LRRC28: variants seen among roughly 807,000 people sequenced by gnomAD.
LRRC28 encodes leucine-rich repeat-containing protein 28.
LRRC28 carries 39 observed loss-of-function variants against 45.7 expected under a neutral mutation model. The observed-to-expected ratio is 0.85, with a 90% CI of 0.66 to 1.12. The LOEUF (loss-of-function observed/expected upper bound fraction) is 1.12. LRRC28 is among the 50% of genes most tolerant of loss of function. The pLI, the probability that LRRC28 is intolerant of heterozygous loss-of-function variation, is 0.00. For synonymous variants in LRRC28, 206 were observed against 178.8 expected (o/e 1.15, Z -1.22); for missense variants, 435 against 438.5 (o/e 0.99, Z 0.07).
intron 5 of LRRC28, among the ~76,000 whole-genome samples, chr15:99,305,045 A>G (rs975595556): frequency 1.3e-5 from 2 of 152,120 alleles, no homozygotes; most frequent in Non-Finnish European, 2.9e-5. Context: ...TGATGGCCAG[A>G]TCTTAGCGGT....
chr15:99,351,198 G>C (rs1452924909), intron 6 of LRRC28, among the ~76,000 whole-genome samples: 1 of 152,118 alleles, frequency 6.6e-6, no homozygotes, highest in African/African-American at 2.4e-5. Context: ...AATAGCCCTA[G>C]TCAGTGAGTG....
chr15:99,350,112 C>T (rs1224612116), intron 6 of LRRC28, among the ~76,000 whole-genome samples: 1 of 141,846 alleles, frequency 7.0e-6, no homozygotes, highest in East Asian at 2.0e-4. Flanking sequence ...GTCCGCAGTC[C>T]GGCCTGGGCG....
chr15:99,296,953 G>A (rs1340856309), intron 5 of LRRC28, among the ~76,000 whole-genome samples: 1 of 152,130 alleles, frequency 6.6e-6, no homozygotes, highest in African/African-American at 2.4e-5. Flanking sequence ...CAACTAATGG[G>A]TAGAGGGACA....
At chr15:99,379,298 C>G (rs560169800) in intron 9 of LRRC28, among the ~76,000 whole-genome samples, 67 of 152,330 alleles carry the variant, frequency 4.4e-4, no homozygotes, top group African/African-American at 1.6e-3. Context: ...TTATCCATTT[C>G]TTCTAGATTT....
chr15:99,350,991 G>A (rs1956859919), intron 6 of LRRC28, among the ~76,000 whole-genome samples: 1 of 152,066 alleles, frequency 6.6e-6, no homozygotes, highest in South Asian at 2.1e-4. Flanking sequence ...GTAGAGATAG[G>A]GTTTCACCAT....
chr15:99,310,598 G>A (rs1416813041), intron 5 of LRRC28, among the ~76,000 whole-genome samples: 1 of 152,248 alleles, frequency 6.6e-6, no homozygotes, highest in African/African-American at 2.4e-5. Context: ...ACAGGGATAA[G>A]TGAGTATTTT....
At chr15:99,304,060 ACT>A (rs1955087496) in intron 5 of LRRC28, among the ~76,000 whole-genome samples, 1 of 151,948 alleles carries the variant, frequency 6.6e-6, no homozygotes, top group Non-Finnish European at 1.5e-5. Flanking sequence ...AGGTTAGAAA[ACT>A]CTGACCTGTG....
intron 2 of LRRC28, among the ~76,000 whole-genome samples, chr15:99,263,034 G>T (rs1037919836): frequency 6.6e-6 from 1 of 151,806 alleles, no homozygotes; most frequent in Non-Finnish European, 1.5e-5. Context: ...TGGGGGCCGG[G>T]TGCAGTGGCT....
intron 1 of LRRC28, among the ~76,000 whole-genome samples, chr15:99,255,225 G>C (rs923682406): frequency 6.6e-6 from 1 of 151,930 alleles, no homozygotes; most frequent in East Asian, 1.9e-4. Flanking sequence ...TGAGTGTGGT[G>C]GTGCTCTCTA....
intron 6 of LRRC28, among the ~76,000 whole-genome samples, chr15:99,352,087 T>C (rs1956898376): frequency 6.6e-6 from 1 of 152,172 alleles, no homozygotes; most frequent in African/African-American, 2.4e-5. Flanking sequence ...TAAACTGACT[T>C]AGCAGAGTTC....
intron 5 of LRRC28, among the ~76,000 whole-genome samples, chr15:99,317,021 G>T (rs761292033): frequency 1.3e-5 from 2 of 151,256 alleles, no homozygotes; most frequent in Non-Finnish European, 1.5e-5. Flanking sequence ...TTTTGGAGAG[G>T]TGGGGAAGGT....
chr15:99,385,555 A>G (rs1957957343), intron 9 of LRRC28, among the ~76,000 whole-genome samples: 1 of 152,210 alleles, frequency 6.6e-6, no homozygotes, highest in Admixed American at 6.5e-5. Flanking sequence ...TCTACGAGCA[A>G]CCTATGTGTA....
chr15:99,292,464 A>G (rs1054297510), intron 5 of LRRC28, among the ~76,000 whole-genome samples: 3 of 148,062 alleles, frequency 2.0e-5, no homozygotes, highest in Non-Finnish European at 3.0e-5. Context: ...TCCCGGGTTC[A>G]TGCCATTCTC....
intron 6 of LRRC28, among the ~76,000 whole-genome samples, chr15:99,341,108 T>TG (rs1488907506): frequency 8.5e-6 from 1 of 117,456 alleles, no homozygotes; most frequent in Non-Finnish European, 1.7e-5. Flanking sequence ...TTTTTTTTTT[T>TG]GAGATGGAGT....
intron 5 of LRRC28, among the ~76,000 whole-genome samples, chr15:99,326,911 A>G (rs1289747347): frequency 6.6e-6 from 1 of 152,140 alleles, no homozygotes; most frequent in Non-Finnish European, 1.5e-5. Context: ...ATGAGTTGGA[A>G]AGTTTTTCCT....
At chr15:99,324,924 C>T (rs1269426688) in intron 5 of LRRC28, among the ~76,000 whole-genome samples, 2 of 152,114 alleles carry the variant, frequency 1.3e-5, no homozygotes, top group East Asian at 3.9e-4. Context: ...TTCAGCATGA[C>T]ACAGCAATAA....
At position 99,389,719 on chromosome 15, in the gene LRRC28, T is replaced by C. The variant is rs28528128; in HGVS notation, c.*3617T>C. Reference sequence around the variant, plus strand: ...TTTCATTCACTCCTGCTTGCTTCTATTGAGGTTCTCCTACATTTCCCAGAA... The same window carrying C: ...TTTCATTCACTCCTGCTTGCTTCTACTGAGGTTCTCCTACATTTCCCAGAA... On this transcript the variant is annotated 3_prime_UTR_variant, in exon 10 of 10. Transcript: ENST00000301981. 1 of 152,148 alleles carries C rather than the reference T, an allele frequency of 6.6e-6. No homozygotes were observed. The highest frequency in any genetic ancestry group is 1.5e-5 in the Non-Finnish European group (1 of 68,034). The allele number at this position is 152,148 out of a possible 1,614,324, so 9.4% of individuals were successfully genotyped here.
chr15:99,363,138 A>G lies in LRRC28; in HGVS notation c.904A>G (p.Arg302Gly), dbSNP rs1414402402. The G allele has an allele frequency of 1.9e-6, 3 of 1,613,568 alleles. No homozygotes were observed. Among genetic ancestry groups the G allele is most frequent in the Admixed American group, 3.3e-5 (2 of 59,956 alleles). The change falls in exon 9 of 10, where the codon AGA (arginine) becomes GGA (glycine). Residue 302 changes from arginine (R) to glycine (G), a missense_variant. Physicochemically the swap from Arg to Gly is moderately radical, Grantham distance 125. Transcript: ENST00000301981. ...CTTTCTGTCTCCAATCTCATTACCC[A>G]GAAGTCTCCTAGAGCTGCTGCACTG... ...LNFLSPISLP[R>G]SLLELLHCPL...
intron 9 of LRRC28, among the ~76,000 whole-genome samples, chr15:99,363,969 C>T (rs1597438309): frequency 6.6e-6 from 1 of 152,184 alleles, no homozygotes; most frequent in East Asian, 1.9e-4. Flanking sequence ...ACTATAGTAC[C>T]TCATTTATCA....
Sources: gnomAD v4.1 joint callset for allele counts (sites outside exome capture counted in the v4.1 genomes callset) on GRCh38, gnomAD v4.1.1 for gene constraint, MANE v1.5 for transcripts, NCBI Gene and HGNC (gene_info 2026-07-23, HGNC 2026-07-21) for gene names.